Variants in CD226 observed in about 807,000 individuals in gnomAD.
CD226 encodes the protein CD226 molecule, also known as CD226 antigen.
A neutral mutation model predicts 34.9 loss-of-function variants in CD226; 24 were observed. The ratio of observed to expected loss-of-function variants is 0.69; its 90% CI spans 0.50 to 0.97. The LOEUF is 0.97. CD226 is among the 50% of genes least tolerant of loss of function. The pLI is 0.00. For missense variants in CD226, 397 were observed against 412.7 expected (o/e 0.96, Z 0.33); for synonymous variants, 148 against 147.4 (o/e 1.00, Z -0.03).
intron 2 of CD226, among the ~76,000 whole-genome samples, chr18:69,933,686 T>C (rs2055616456): frequency 1.3e-5 from 2 of 152,254 alleles, no homozygotes; most frequent in Admixed American, 1.3e-4. Context: ...ACTGTTATCA[T>C]CCTTCATCCA....
chr18:69,957,358 TTTC>T (rs1356799568), upstream of CD226, among the ~76,000 whole-genome samples: 1 of 151,840 alleles, frequency 6.6e-6, no homozygotes, highest in Admixed American at 6.6e-5. Flanking sequence ...CTCTTTTTTT[TTTC>T]TTTGTCTCCC....
intron 2 of CD226, among the ~76,000 whole-genome samples, chr18:69,942,121 T>C (rs1395859581): frequency 3.3e-5 from 5 of 152,170 alleles, no homozygotes; most frequent in African/African-American, 1.2e-4. Context: ...TCCCCAGCCA[T>C]ACTGAACTGT....
At chr18:69,938,416 T>A (rs548411559) in intron 2 of CD226, among the ~76,000 whole-genome samples, 211 of 152,272 alleles carry the variant, frequency 1.4e-3, no homozygotes, top group African/African-American at 4.9e-3. Flanking sequence ...TCTGCCCCCA[T>A]CCATTGGTAC....
chr18:69,925,649 T>C lies in CD226; in HGVS notation c.382+21085A>G, dbSNP rs376301921. ...TCAAACATGGACCCTACACTCTCTATACAAATTGCCCTATTCTGCTCCATC... is the reference window on the plus strand; with the variant it reads ...TCAAACATGGACCCTACACTCTCTACACAAATTGCCCTATTCTGCTCCATC... On this transcript the variant is annotated intron_variant, in intron 2 of 5. Transcript: ENST00000582621. Among the ~76,000 whole-genome samples, 36 of 152,248 alleles carry C rather than the reference T, an allele frequency of 2.4e-4. No individual in the cohort carries two copies. In the South Asian group the frequency reaches 7.5e-3, roughly 32 times the overall value.
chr18:69,873,328 T>C, intron 3 of CD226, 82 bp from the exon 4 acceptor site: 8 of 697,958 alleles, frequency 1.1e-5, no homozygotes, highest in Middle Eastern at 3.0e-4. Context: ...AAAGAAAAGA[T>C]ACATTAATTA....
intron 2 of CD226, 120 bp downstream of exon 2, chr18:69,946,614 G>A: frequency 1.5e-6 from 1 of 688,622 alleles, no homozygotes; most frequent in Non-Finnish European, 2.4e-6. Flanking sequence ...TCTAGAAATG[G>A]AATTGGAGAA....
chr18:69,866,906 C>A (rs945915351), intron 5 of CD226, among the ~76,000 whole-genome samples: 1 of 152,134 alleles, frequency 6.6e-6, no homozygotes, highest in Non-Finnish European at 1.5e-5. Context: ...AGCCAAGGAT[C>A]GACAGCTCCA....
intron 4 of CD226, among the ~76,000 whole-genome samples, chr18:69,868,468 T>C (rs1377013436): frequency 6.6e-6 from 1 of 152,244 alleles, no homozygotes; most frequent in Non-Finnish European, 1.5e-5. Flanking sequence ...TCCTATCATG[T>C]CAATATAATC....
intron 2 of CD226, among the ~76,000 whole-genome samples, chr18:69,910,516 C>G (rs1307136652): frequency 6.6e-6 from 1 of 152,138 alleles, no homozygotes; most frequent in East Asian, 1.9e-4. Flanking sequence ...TTGTGAAAAG[C>G]AAGGAGAGAT....
At chr18:69,926,901 C>T (rs1475963995) in intron 2 of CD226, among the ~76,000 whole-genome samples, 2 of 152,006 alleles carry the variant, frequency 1.3e-5, no homozygotes, top group Admixed American at 6.5e-5. Context: ...TTTTTGTTTT[C>T]GTGTAATAAA....
rs2145155964 is a variant in CD226 at position 69,856,278 on chromosome 18, A to G, written c.*8036T>C. On this transcript the variant is annotated 3_prime_UTR_variant, in exon 6 of 6. Coordinates refer to ENST00000582621, the MANE Select transcript of CD226 (RefSeq NM_001303618.2). ...GATTCTGAAAGTATATGTACTAACA[A>G]GAGTATCAAGATACATGAGACAAAA... 6.6e-6 allele frequency: 1 copy of G among 152,344 alleles called. No individual in the cohort carries two copies. Among genetic ancestry groups the G allele is most frequent in the African/African-American group, 2.4e-5 (1 of 41,580 alleles). 9.4% of individuals were successfully genotyped at this position (152,344 alleles called of 1,614,324 possible). A position where few individuals can be genotyped will look rare whatever the true frequency, so the allele number is the denominator to read the frequency against.
At position 69,896,333 on chromosome 18, in the gene CD226, C is replaced by T. The variant is rs189502329; in HGVS notation, c.383-288G>A. Reference sequence around the variant, plus strand: ...AGTAGCTGGGACTATAGGCGCCCGCCACCGCGCCCGGCTAATTTTTTGTAT... The same window carrying T: ...AGTAGCTGGGACTATAGGCGCCCGCTACCGCGCCCGGCTAATTTTTTGTAT... On this transcript the variant is annotated intron_variant, in intron 2 of 5. Transcript: ENST00000582621. The T allele has an allele frequency of 1.8e-3, 337 of 182,174 alleles. 5 individuals are homozygous for T. The highest frequency in any genetic ancestry group is 0.015 in the South Asian group (84 of 5,446). The allele number at this position is 182,174 out of a possible 1,614,324, so 11.3% of individuals were successfully genotyped here. A position where few individuals can be genotyped will look rare whatever the true frequency, so the allele number is the denominator to read the frequency against.
At chr18:69,890,356 G>A (rs1984819254) in intron 3 of CD226, among the ~76,000 whole-genome samples, 1 of 152,132 alleles carries the variant, frequency 6.6e-6, no homozygotes, top group Admixed American at 6.5e-5. Context: ...CAGCACTTTA[G>A]GAGGCTGAGG....
intron 3 of CD226, among the ~76,000 whole-genome samples, chr18:69,886,398 T>G (rs1610776): frequency 6.6e-6 from 1 of 152,180 alleles, no homozygotes; most frequent in South Asian, 2.1e-4. Flanking sequence ...ACTCTTTCCT[T>G]GGGTCCTTAG....
At chr18:69,898,111 CAG>C (rs1468399142) in intron 2 of CD226, among the ~76,000 whole-genome samples, 3 of 151,836 alleles carry the variant, frequency 2.0e-5, no homozygotes, top group African/African-American at 4.8e-5. Context: ...AAAATTAAAA[CAG>C]GGAAAGGAAG....
chr18:69,897,538 A>G (rs1266166259), intron 2 of CD226, among the ~76,000 whole-genome samples: 1 of 152,170 alleles, frequency 6.6e-6, no homozygotes, highest in Admixed American at 6.5e-5. Flanking sequence ...AAAAGTGGGA[A>G]GTCATCTGTC....
intron 3 of CD226, among the ~76,000 whole-genome samples, chr18:69,876,270 A>T (rs1983857065): frequency 6.6e-6 from 1 of 152,204 alleles, no homozygotes; most frequent in Non-Finnish European, 1.5e-5. Context: ...AGGATGTAGA[A>T]ATCTTTTCTT....
intron 3 of CD226, 75 bp from the exon 4 acceptor site, chr18:69,873,321 G>C (rs1306959938): frequency 2.8e-6 from 2 of 712,972 alleles, no homozygotes; most frequent in Non-Finnish European, 4.9e-6. Flanking sequence ...GGAAAATAAA[G>C]AAAAGATACA....
chr18:69,874,859 T>C (rs1470204857), intron 3 of CD226, among the ~76,000 whole-genome samples: 1 of 152,202 alleles, frequency 6.6e-6, no homozygotes, highest in Non-Finnish European at 1.5e-5. Flanking sequence ...CTTATTTCAC[T>C]TTTCATAATG....
Sources: allele counts gnomAD v4.1 joint callset (sites outside exome capture counted in the v4.1 genomes callset), GRCh38; gene constraint gnomAD v4.1.1; transcripts MANE v1.5; gene names NCBI Gene and HGNC (gene_info 2026-07-23, HGNC 2026-07-21).